NBEAL1: variants seen among roughly 807,000 people sequenced by gnomAD.
The protein encoded by NBEAL1 is neurobeachin like 1.
A neutral mutation model predicts 351.3 loss-of-function variants in NBEAL1; 273 were observed. The observed-to-expected ratio is 0.78, with a 90% CI of 0.70 to 0.86. The LOEUF (loss-of-function observed/expected upper bound fraction) is 0.86. Among genes scored for constraint, NBEAL1 ranks in the 40% least tolerant of loss-of-function variants. The pLI, the probability that NBEAL1 is intolerant of heterozygous loss-of-function variation, is 0.00. For synonymous variants in NBEAL1, 1,050 were observed against 1,086.4 expected, an observed-to-expected ratio of 0.97 and a Z score of 0.66; for missense variants, 2,961 against 3,201.3, an observed-to-expected ratio of 0.92 and a Z score of 1.81.
At chr2:203,036,899 C>T (rs1026266022) in intron 2 of NBEAL1, among the ~76,000 whole-genome samples, 3 of 148,854 alleles carry the variant, frequency 2.0e-5, no homozygotes, top group African/African-American at 7.3e-5. Context: ...AGAGGTAATT[C>T]TCTGCTGTAT....
chr2:203,041,859 A>T lies in NBEAL1; in HGVS notation c.143+3A>T, dbSNP rs908734123. On this transcript the variant is annotated splice_donor_region_variant and intron_variant, in intron 3 of 55. Coordinates refer to ENST00000683969, the MANE Select transcript of NBEAL1 (RefSeq NM_001378026.1). ...GACTTTGAAAAGCTGCCTACCAGGT[A>T]TGTAGAAACGCTAATTTGTAACCCC... is the stretch of plus-strand genomic sequence containing the variant. 6.5e-7 allele frequency: 1 copy of T among 1,546,664 alleles called. No individual in the cohort carries two copies. Among genetic ancestry groups the T allele is most frequent in the Non-Finnish European group, 8.8e-7 (1 of 1,141,948 alleles).
intron 43 of NBEAL1, chr2:203,180,970 C>CTT (rs1278568070): frequency 1.9e-5 from 1 of 51,856 alleles, no homozygotes; most frequent in Non-Finnish European, 4.2e-5. Context: ...CAGGGTCTCG[C>CTT]TTTTCCCTTA....
At chr2:203,127,212 T>A (rs549998141) in intron 23 of NBEAL1, among the ~76,000 whole-genome samples, 11 of 152,322 alleles carry the variant, frequency 7.2e-5, no homozygotes, top group Non-Finnish European at 1.5e-4. Flanking sequence ...CCTTTGGTTG[T>A]TTTGAGGATT....
intron 49 of NBEAL1, 56 bp from the exon 50 acceptor site, chr2:203,201,487 C>G: frequency 7.5e-7 from 1 of 1,328,140 alleles, no homozygotes; most frequent in Non-Finnish European, 9.9e-7. Flanking sequence ...AAGAATAGTT[C>G]ACATCAGTAT....
In NBEAL1 at chr2:203,135,748, CTTAG is replaced by C; in HGVS notation, c.3890_3893del (p.Val1297GlyfsTer4). 3 of 1,585,786 alleles carry C rather than the reference CTTAG, an allele frequency of 1.9e-6. No individual in the cohort carries two copies. The highest frequency in any genetic ancestry group is 2.6e-6 in the Non-Finnish European group (3 of 1,164,754). On this transcript the variant is annotated frameshift_variant, in exon 28 of 56. Transcript: ENST00000683969. LOFTEE classifies it high-confidence loss of function. ...CACAGCAAGTGGGTTGGCAAGACAC[CTTAG>C]TTAGGCTTTTTTTAAAAGCAAAATT...
intron 2 of NBEAL1, among the ~76,000 whole-genome samples, chr2:203,032,414 T>C (rs1478877110): frequency 1.3e-5 from 2 of 151,886 alleles, no homozygotes; most frequent in African/African-American, 2.4e-5. Flanking sequence ...TCCCAGCACT[T>C]TGGGAGGCTG....
chr2:203,172,617 A>C, intron 40 of NBEAL1, 112 bp from the exon 41 acceptor site: 1 of 919,186 alleles, frequency 1.1e-6, no homozygotes, highest in African/African-American at 1.7e-5. Flanking sequence ...CAGGGAAAAA[A>C]TATTTTTAGA....
intron 12 of NBEAL1, among the ~76,000 whole-genome samples, chr2:203,102,185 T>A (rs532674516): frequency 1.3e-5 from 2 of 152,344 alleles, no homozygotes; most frequent in African/African-American, 4.8e-5. Context: ...GCTCAAGTAG[T>A]TTATTAGATC....
chr2:203,209,060 G>C, intron 52 of NBEAL1, 101 bp from the exon 53 acceptor site: 1 of 941,288 alleles, frequency 1.1e-6, no homozygotes, highest in East Asian at 2.5e-5. Context: ...CATTTTCTTG[G>C]TTCCTTTCCC....
At chr2:203,124,934 A>C (rs1254939629) in intron 19 of NBEAL1, among the ~76,000 whole-genome samples, 1 of 152,204 alleles carries the variant, frequency 6.6e-6, no homozygotes, top group Non-Finnish European at 1.5e-5. Flanking sequence ...CCTTTTTGTT[A>C]ACTAAAAGTC....
At chr2:203,206,643 G>T (rs931784796) in intron 51 of NBEAL1, among the ~76,000 whole-genome samples, 295 of 152,020 alleles carry the variant, frequency 1.9e-3, no homozygotes, top group Non-Finnish European at 3.7e-3. Context: ...CTGGTCTCCA[G>T]CTCCTGACCG....
chr2:203,184,963 TG>T (rs1334030753), intron 44 of NBEAL1, among the ~76,000 whole-genome samples: 17 of 152,040 alleles, frequency 1.1e-4, no homozygotes, highest in Non-Finnish European at 2.1e-4. Flanking sequence ...ACCTGTGCCC[TG>T]GTGAACCATT....
chr2:203,111,960 G>C lies in NBEAL1; in HGVS notation c.2083-19G>C, dbSNP rs774235934. ...CATAATGTAATTTTATCCTTTAAAT[G>C]TGTGTTTCACTTTACCAGCACAACA... On this transcript the variant is annotated intron_variant, in intron 15 of 55. Coordinates refer to ENST00000683969, the MANE Select transcript of NBEAL1 (RefSeq NM_001378026.1). The C allele has an allele frequency of 6.5e-7, 1 of 1,541,312 alleles. No individual in the cohort carries two copies. Among genetic ancestry groups the C allele is most frequent in the Non-Finnish European group, 8.7e-7 (1 of 1,144,904 alleles).
At chr2:203,057,575 C>A in intron 6 of NBEAL1, 122 bp downstream of exon 6, 1 of 727,614 alleles carries the variant, frequency 1.4e-6, no homozygotes, top group Non-Finnish European at 2.1e-6. Flanking sequence ...ACAGATTTAA[C>A]TCTGAGCTAG....
intron 6 of NBEAL1, among the ~76,000 whole-genome samples, chr2:203,067,760 T>A (rs897744444): frequency 2.6e-5 from 4 of 152,218 alleles, no homozygotes; most frequent in African/African-American, 9.6e-5. Flanking sequence ...CACTACTCTT[T>A]ATTCTCCAAT....
intron 36 of NBEAL1, among the ~76,000 whole-genome samples, chr2:203,164,490 G>A (rs2064069017): frequency 6.6e-6 from 1 of 151,334 alleles, no homozygotes; most frequent in Non-Finnish European, 1.5e-5. Flanking sequence ...AGACTCATTT[G>A]TTTTACACTG....
At chr2:203,191,785 C>A (rs897733476) in intron 46 of NBEAL1, among the ~76,000 whole-genome samples, 4 of 152,184 alleles carry the variant, frequency 2.6e-5, no homozygotes, top group Non-Finnish European at 5.9e-5. Flanking sequence ...GCCTTTCTAG[C>A]ATGCCATGTT....
chr2:203,122,105 C>G, intron 18 of NBEAL1, 149 bp from the exon 19 acceptor site: 1 of 505,618 alleles, frequency 2.0e-6, no homozygotes, highest in Non-Finnish European at 3.4e-6. Context: ...TCTTTTAAAA[C>G]AGAACAGCAA....
chr2:203,179,239 A>T (rs1232237002), intron 42 of NBEAL1, among the ~76,000 whole-genome samples: 1 of 152,242 alleles, frequency 6.6e-6, no homozygotes, highest in Non-Finnish European at 1.5e-5. Flanking sequence ...GGAAAGCATA[A>T]TACAATTGCA....
Sources: gnomAD v4.1 joint callset for allele counts (sites outside exome capture counted in the v4.1 genomes callset) on GRCh38, gnomAD v4.1.1 for gene constraint, MANE v1.5 for transcripts, NCBI Gene and HGNC (gene_info 2026-07-23, HGNC 2026-07-21) for gene names.